CPA6: variants seen among roughly 807,000 people sequenced by gnomAD.
CPA6 encodes carboxypeptidase A6.
Under a neutral mutation model 63.3 loss-of-function variants are expected in CPA6, and 58 were observed. The observed-to-expected ratio is 0.92, with a 90% confidence interval of 0.74 to 1.14. CPA6 has a LOEUF of 1.14. CPA6 is among the 50% of genes most tolerant of loss of function. The pLI is 0.00. For missense variants in CPA6, 565 were observed against 526.6 expected (o/e 1.07, Z -0.71); for synonymous variants, 185 against 179.0 (o/e 1.03, Z -0.27).
At chr8:67,636,878 A>T (rs1815480086) in intron 1 of CPA6, among the ~76,000 whole-genome samples, 1 of 151,632 alleles carries the variant, frequency 6.6e-6, no homozygotes, top group Non-Finnish European at 1.5e-5. Context: ...TTGTTGAAAG[A>T]TTATGTTTTG....
intron 1 of CPA6, among the ~76,000 whole-genome samples, chr8:67,650,886 G>A (rs1049794101): frequency 6.6e-6 from 1 of 152,088 alleles, no homozygotes; most frequent in East Asian, 1.9e-4. Flanking sequence ...TGGGAGTAGG[G>A]AATAATCTTG....
At chr8:67,631,235 C>T (rs28808610) in intron 1 of CPA6, among the ~76,000 whole-genome samples, 38,805 of 152,108 alleles carry the variant, frequency 0.26, 5,147 homozygotes, top group African/African-American at 0.32. Flanking sequence ...ATGGCATATG[C>T]GCCAATCAGC....
At chr8:67,590,018 T>G (rs1440412051) in intron 2 of CPA6, among the ~76,000 whole-genome samples, 2 of 151,770 alleles carry the variant, frequency 1.3e-5, no homozygotes, top group Non-Finnish European at 2.9e-5. Context: ...TAGGTATATC[T>G]CCTAATGCTA....
At chr8:67,671,569 C>G (rs1241288867) in intron 1 of CPA6, among the ~76,000 whole-genome samples, 1 of 152,154 alleles carries the variant, frequency 6.6e-6, no homozygotes, top group Non-Finnish European at 1.5e-5. Context: ...TACCTGTGTG[C>G]CCAGCTCTGC....
chr8:67,512,726 C>T (rs2128965894), intron 3 of CPA6, among the ~76,000 whole-genome samples: 1 of 151,972 alleles, frequency 6.6e-6, no homozygotes, highest in Non-Finnish European at 1.5e-5. Flanking sequence ...AGCTAAAAAG[C>T]TTTGCTTTCA....
At chr8:67,605,544 T>C (rs1814612636) in intron 2 of CPA6, among the ~76,000 whole-genome samples, 2 of 151,302 alleles carry the variant, frequency 1.3e-5, no homozygotes, top group Admixed American at 6.6e-5. Context: ...TTTTTTTTTT[T>C]TTTTTGCATG....
intron 3 of CPA6, among the ~76,000 whole-genome samples, chr8:67,513,964 A>T (rs1466295381): frequency 6.7e-6 from 1 of 150,160 alleles, no homozygotes; most frequent in Admixed American, 6.6e-5. Flanking sequence ...AAACATAGAA[A>T]ATTTTTTTTT....
rs183698963 is a variant in CPA6 at position 67,741,489 on chromosome 8, G to A, written c.116+4525C>T. Among the ~76,000 whole-genome samples, 64 of 152,276 alleles carry A rather than the reference G, an allele frequency of 4.2e-4. 1 individual carries two copies. The highest frequency in any genetic ancestry group is 1.5e-3 in the African/African-American group (63 of 41,562). ...CAGTTGATGGCCTGTTAGAAACCGG[G>A]CCGCACAGCAGGAGGTGAGTGGCAG... On this transcript the variant is annotated intron_variant, in intron 1 of 10. Transcript: ENST00000297770.
intron 6 of CPA6, among the ~76,000 whole-genome samples, chr8:67,493,319 T>G (rs1415240651): frequency 1.3e-5 from 2 of 152,146 alleles, no homozygotes; most frequent in Non-Finnish European, 2.9e-5. Context: ...CAAGACATAA[T>G]GAGACTGAAA....
intron 8 of CPA6, among the ~76,000 whole-genome samples, chr8:67,479,196 C>G (rs1811305956): frequency 6.6e-6 from 1 of 152,170 alleles, no homozygotes; most frequent in Admixed American, 6.5e-5. Context: ...TACCTGTAGT[C>G]CTTTCTCTGA....
intron 2 of CPA6, among the ~76,000 whole-genome samples, chr8:67,538,145 G>A (rs1812627012): frequency 1.3e-5 from 2 of 152,186 alleles, no homozygotes. Flanking sequence ...GTGGTGCTGA[G>A]AAGAATGTAT....
intron 1 of CPA6, among the ~76,000 whole-genome samples, chr8:67,697,751 A>G (rs1185317385): frequency 6.8e-6 from 1 of 147,356 alleles, no homozygotes; most frequent in Admixed American, 6.7e-5. Context: ...TCTACTCAGG[A>G]TGTTGCAGTC....
At chr8:67,439,022 C>T (rs1260742390) in intron 8 of CPA6, among the ~76,000 whole-genome samples, 1 of 152,178 alleles carries the variant, frequency 6.6e-6, no homozygotes, top group Non-Finnish European at 1.5e-5. Context: ...GGGCCAGCTG[C>T]AATGGCTTAC....
At chr8:67,535,820 A>C (rs960478805) in intron 2 of CPA6, among the ~76,000 whole-genome samples, 21 of 152,164 alleles carry the variant, frequency 1.4e-4, no homozygotes, top group African/African-American at 5.1e-4. Flanking sequence ...GTTTTCTTCT[A>C]GGGTTTTTAT....
chr8:67,583,865 A>G (rs764172734), intron 2 of CPA6, among the ~76,000 whole-genome samples: 6 of 152,182 alleles, frequency 3.9e-5, no homozygotes, highest in Non-Finnish European at 8.8e-5. Flanking sequence ...AGGGTAATAA[A>G]AAGGGCTCAT....
chr8:67,737,255 G>A (rs1817830554), intron 1 of CPA6, among the ~76,000 whole-genome samples: 1 of 152,070 alleles, frequency 6.6e-6, no homozygotes, highest in Non-Finnish European at 1.5e-5. Context: ...CAATTGCCCT[G>A]ATTTTCTAGA....
At chr8:67,441,012 T>C (rs1587427611) in intron 8 of CPA6, among the ~76,000 whole-genome samples, 3 of 152,286 alleles carry the variant, frequency 2.0e-5, no homozygotes, top group South Asian at 4.1e-4. Flanking sequence ...AAGGTCATAT[T>C]CCAAGGTTTC....
At chr8:67,572,070 A>G (rs1813499241) in intron 2 of CPA6, among the ~76,000 whole-genome samples, 1 of 152,236 alleles carries the variant, frequency 6.6e-6, no homozygotes, top group Admixed American at 6.5e-5. Context: ...AGCAATGGAG[A>G]AACTTAGAGG....
chr8:67,633,021 A>T lies in CPA6; in HGVS notation c.117-8770T>A, dbSNP rs367847128. 6.6e-5 allele frequency among the ~76,000 whole-genome samples: 10 copies of T among 152,294 alleles called. 1 individual carries two copies. The highest frequency in any genetic ancestry group is 2.6e-4 in the Admixed American group (4 of 15,296). ...TGAGCCAATTTTACTCAATATACCT[A>T]CTATAATTTTGGATTTTTCAATTTA... On this transcript the variant is annotated intron_variant, in intron 1 of 10. Transcript: ENST00000297770.
Sources: allele counts gnomAD v4.1 joint callset (sites outside exome capture counted in the v4.1 genomes callset), GRCh38; gene constraint gnomAD v4.1.1; transcripts MANE v1.5; gene names NCBI Gene and HGNC (gene_info 2026-07-23, HGNC 2026-07-21).